The following TUB variants were observed in gnomAD, a reference collection of about 807,000 sequenced individuals.
The protein encoded by TUB is tubby protein homolog.
Under a neutral mutation model 59.7 loss-of-function variants are expected in TUB, and 33 were observed. That is an observed-to-expected ratio of 0.55 (90% CI 0.42 to 0.74). The LOEUF (loss-of-function observed/expected upper bound fraction) is 0.74. Among genes scored for constraint, TUB ranks in the 30% least tolerant of loss-of-function variants. The pLI, the probability that TUB is intolerant of heterozygous loss-of-function variation, is 0.00. For missense variants in TUB, 659 were observed against 672.0 expected, an observed-to-expected ratio of 0.98 and a Z score of 0.21; for synonymous variants, 293 against 256.4, an observed-to-expected ratio of 1.14 and a Z score of -1.36.
chr11:8,054,595 AT>A (rs1208948417), intron 2 of TUB, among the ~76,000 whole-genome samples: 13 of 152,218 alleles, frequency 8.5e-5, no homozygotes, highest in Non-Finnish European at 1.5e-4. Flanking sequence ...CCCAGCCCGA[AT>A]GTCTGTTGTG....
At chr11:8,058,553 T>G (rs1429208647) in intron 2 of TUB, among the ~76,000 whole-genome samples, 1 of 152,242 alleles carries the variant, frequency 6.6e-6, no homozygotes, top group Non-Finnish European at 1.5e-5. Flanking sequence ...GCAGATTACA[T>G]TTTAAAGGGT....
intron 1 of TUB, chr11:8,039,054 G>A: frequency 6.2e-7 from 1 of 1,608,180 alleles, no homozygotes; most frequent in Non-Finnish European, 8.5e-7. Flanking sequence ...CCTGCCTTTA[G>A]CCCATGGGCC....
At chr11:8,049,709 A>G (rs1189482777) in intron 2 of TUB, among the ~76,000 whole-genome samples, 3 of 152,002 alleles carry the variant, frequency 2.0e-5, no homozygotes, top group Non-Finnish European at 2.9e-5. Flanking sequence ...TAATCACTAC[A>G]TATTCATTGT....
chr11:8,093,950 T>A (rs1943868649), intron 3 of TUB, 96 bp from the exon 4 acceptor site: 7 of 1,494,126 alleles, frequency 4.7e-6, no homozygotes, highest in Admixed American at 1.7e-5. Context: ...CGGGGTGCAG[T>A]CAAAAATGCT....
At chr11:8,038,549 ACC>A (rs1444110586), upstream of TUB, 43 of 1,052,982 alleles carry the variant, frequency 4.1e-5, no homozygotes, top group Non-Finnish European at 5.0e-5. Context: ...TGCTATAGTA[ACC>A]CACAGATGCA....
upstream of TUB, among the ~76,000 whole-genome samples, chr11:8,033,824 C>T (rs55721562): frequency 0.062 from 9,398 of 152,344 alleles, 375 homozygotes; most frequent in African/African-American, 0.095. Context: ...GACCCAAGCT[C>T]AGAATGTATC....
chr11:8,065,573 A>G (rs1440482842), intron 2 of TUB, among the ~76,000 whole-genome samples: 1 of 152,238 alleles, frequency 6.6e-6, no homozygotes, highest in Non-Finnish European at 1.5e-5. Flanking sequence ...ATAGTTGTTA[A>G]CAAATGTCAG....
At chr11:8,070,197 AAATG>A (rs138432288) in intron 2 of TUB, among the ~76,000 whole-genome samples, 47,999 of 151,894 alleles carry the variant, frequency 0.32, 8,498 homozygotes, top group Middle Eastern at 0.55. Context: ...GCTTTGAACT[AAATG>A]AAGTCTCATT....
intron 1 of TUB, among the ~76,000 whole-genome samples, chr11:8,020,647 T>C (rs949865947): frequency 1.3e-5 from 2 of 152,228 alleles, no homozygotes; most frequent in African/African-American, 4.8e-5. Flanking sequence ...ATATATCGTC[T>C]GAATTGGTTA....
In TUB at chr11:8,090,181, C is replaced by A; in HGVS notation, c.203C>A (p.Ala68Asp). The change falls in exon 3 of 12, where the codon GCC becomes GAC. Residue 68 changes from alanine to aspartate, a missense_variant. This residue lies in a region of TUB where 321 missense variants were observed against 304.3 expected (regional missense o/e 1.05). Coordinates refer to ENST00000299506, the MANE Select transcript of TUB (RefSeq NM_177972.3). ...CGGGCCCGGCAGTCAGAGGAACAAG[C>A]CCCCCTGGTGGAGTCCTACCTCAGC... Reference protein sequence around the residue: ...SRRARQSEEQAPLVESYLSSS... With the variant: ...SRRARQSEEQDPLVESYLSSS... 2.5e-6 allele frequency: 4 copies of A among 1,613,740 alleles called. No individual in the cohort carries two copies. Among genetic ancestry groups the A allele is most frequent in the Non-Finnish European group, 3.4e-6 (4 of 1,179,958 alleles).
At chr11:8,064,369 C>T (rs1943195171) in intron 2 of TUB, among the ~76,000 whole-genome samples, 1 of 152,152 alleles carries the variant, frequency 6.6e-6, no homozygotes, top group South Asian at 2.1e-4. Context: ...ATGCTTGTGG[C>T]TGTGGCCATA....
upstream of TUB, among the ~76,000 whole-genome samples, chr11:8,080,242 G>A (rs1405403389): frequency 6.6e-6 from 1 of 152,224 alleles, no homozygotes; most frequent in Non-Finnish European, 1.5e-5. Flanking sequence ...GGACGCCCAC[G>A]GGGCGTGTGG....
intron 2 of TUB, among the ~76,000 whole-genome samples, chr11:8,062,950 C>T (rs965099066): frequency 6.6e-5 from 10 of 152,190 alleles, no homozygotes; most frequent in African/African-American, 2.4e-4. Flanking sequence ...ACATACTCTT[C>T]GGTAACCTTT....
At chr11:8,087,538 A>C (rs996950944) in intron 1 of TUB, among the ~76,000 whole-genome samples, 1 of 152,258 alleles carries the variant, frequency 6.6e-6, no homozygotes, top group African/African-American at 2.4e-5. Flanking sequence ...GAGCTTGGCA[A>C]GCGGAGGGAG....
At chr11:8,039,573 C>A in intron 1 of TUB, 1 of 1,341,934 alleles carries the variant, frequency 7.5e-7, no homozygotes. Flanking sequence ...CCAGGTGTGG[C>A]CAGGCAGCAG....
chr11:8,059,011 C>G (rs1386267699), intron 2 of TUB, among the ~76,000 whole-genome samples: 2 of 152,146 alleles, frequency 1.3e-5, no homozygotes, highest in African/African-American at 4.8e-5. Flanking sequence ...CTGTTAACAC[C>G]CCGTAGGCCC....
chr11:8,053,917 C>T (rs938941368), intron 2 of TUB, among the ~76,000 whole-genome samples: 2 of 151,222 alleles, frequency 1.3e-5, no homozygotes, highest in Non-Finnish European at 3.0e-5. Context: ...AGATCGAGAC[C>T]ATCCTGGCTA....
intron 8 of TUB, among the ~76,000 whole-genome samples, chr11:8,098,531 G>A (rs1944109364): frequency 6.6e-6 from 1 of 152,134 alleles, no homozygotes; most frequent in African/African-American, 2.4e-5. Flanking sequence ...TCCCTGAATT[G>A]CTCTCACTGA....
chr11:8,023,598 T>G (rs1297219761), intron 1 of TUB, among the ~76,000 whole-genome samples: 1 of 152,244 alleles, frequency 6.6e-6, no homozygotes, highest in Non-Finnish European at 1.5e-5. Flanking sequence ...CGTCTCCATC[T>G]AGACATTCAG....
Sources: allele counts gnomAD v4.1 joint callset (sites outside exome capture counted in the v4.1 genomes callset), GRCh38; gene constraint gnomAD v4.1.1; regional missense constraint gnomAD v4.1.1; transcripts MANE v1.5; gene names NCBI Gene and HGNC (gene_info 2026-07-23, HGNC 2026-07-21).